MARCO: variants seen among roughly 807,000 people sequenced by gnomAD.
The protein encoded by MARCO is macrophage receptor MARCO.
Under a neutral mutation model 70.0 loss-of-function variants are expected in MARCO, and 72 were observed. The ratio of observed to expected loss-of-function variants is 1.03; its 90% CI spans 0.85 to 1.25. The LOEUF is 1.25. Ranked by LOEUF, MARCO falls within the 50% of genes most tolerant of loss-of-function variation. MARCO has a pLI of 0.00. For synonymous variants in MARCO, 273 were observed against 243.1 expected, an observed-to-expected ratio of 1.12 and a Z score of -1.14; for missense variants, 696 against 659.3, an observed-to-expected ratio of 1.06 and a Z score of -0.61.
At chr2:118,953,511 A>AATTT (rs1299202095) in intron 1 of MARCO, among the ~76,000 whole-genome samples, 1 of 152,064 alleles carries the variant, frequency 6.6e-6, no homozygotes, top group Non-Finnish European at 1.5e-5. Flanking sequence ...CAACTATGTG[A>AATTT]ATTTATTTAT....
At chr2:118,948,552 G>A (rs1383749208) in intron 1 of MARCO, among the ~76,000 whole-genome samples, 1 of 152,220 alleles carries the variant, frequency 6.6e-6, no homozygotes, top group Admixed American at 6.5e-5. Context: ...CTTGAAGAAA[G>A]TTATTCCTCA....
In MARCO at chr2:118,994,529, C is replaced by A; in HGVS notation, c.*9C>A. On this transcript the variant is annotated 3_prime_UTR_variant, in exon 17 of 17. Transcript: ENST00000327097. ...TGGAGTGCAGCGTCTGACCCGGAAA[C>A]CCTTTCACTTCTCTGCTCCCGAGGT... 1 of 1,570,218 alleles carries A rather than the reference C, an allele frequency of 6.4e-7. No individual in the cohort carries two copies. The highest frequency in any genetic ancestry group is 8.6e-7 in the Non-Finnish European group (1 of 1,158,666).
chr2:118,970,744 C>T (rs1307274143), intron 3 of MARCO, among the ~76,000 whole-genome samples: 1 of 151,806 alleles, frequency 6.6e-6, no homozygotes, highest in African/African-American at 2.4e-5. Flanking sequence ...AGGGTTAAAA[C>T]CCCAAGGGTG....
At chr2:118,968,985 C>T (rs184267254) in intron 1 of MARCO, among the ~76,000 whole-genome samples, 175 bp from the exon 2 acceptor site, 61 of 152,326 alleles carry the variant, frequency 4.0e-4, no homozygotes, top group African/African-American at 1.4e-3. Flanking sequence ...GCAATTTTTG[C>T]TTTGTGGCAA....
Position 118,966,325 on chromosome 2 carries a change from TAGCAGCTGTTTTTATCCTCTCATGTCA to T in MARCO, c.98-2827_98-2801del, listed in dbSNP as rs1445100341. Among the ~76,000 whole-genome samples the T allele has an allele frequency of 2.0e-5, 3 of 152,348 alleles. No homozygotes were observed. In the East Asian group the frequency reaches 5.8e-4, roughly 29 times the overall value. On this transcript the variant is annotated intron_variant, in intron 1 of 16. Transcript: ENST00000327097. Reference sequence around the variant, plus strand: ...TCCAGGGAAGCCCATTTTTATTTACTAGCAGCTGTTTTTATCCTCTCATGTCAAGCAGCTCTTCCTCTTTGGTCAAAC... The same window carrying T: ...TCCAGGGAAGCCCATTTTTATTTACTAGCAGCTCTTCCTCTTTGGTCAAAC...
At chr2:118,965,100 G>A (rs571636168) in intron 1 of MARCO, among the ~76,000 whole-genome samples, 2 of 152,194 alleles carry the variant, frequency 1.3e-5, no homozygotes, top group Admixed American at 6.5e-5. Flanking sequence ...GATCTTCCAC[G>A]AAATTAGGGA....
chr2:118,943,445 G>C (rs1453241600), intron 1 of MARCO, among the ~76,000 whole-genome samples: 1 of 152,234 alleles, frequency 6.6e-6, no homozygotes, highest in African/African-American at 2.4e-5. Context: ...ATTTCCAGCA[G>C]GGCACTGCAC....
At chr2:118,968,572 C>A (rs1193990487) in intron 1 of MARCO, among the ~76,000 whole-genome samples, 1 of 152,018 alleles carries the variant, frequency 6.6e-6, no homozygotes. Flanking sequence ...CGGGTTAGGA[C>A]CTTAGGGGGT....
chr2:118,982,012 TA>T, intron 10 of MARCO, 143 bp from the exon 11 acceptor site: 1 of 610,710 alleles, frequency 1.6e-6, no homozygotes, highest in East Asian at 2.8e-5. Flanking sequence ...TCATGGCTTC[TA>T]AAGAGAGGTG....
intron 10 of MARCO, 143 bp downstream of exon 10, chr2:118,981,799 C>A: frequency 1.1e-6 from 1 of 873,226 alleles, no homozygotes; most frequent in Non-Finnish European, 1.8e-6. Flanking sequence ...TGGCCCTGGC[C>A]AAGAGGAACA....
intron 12 of MARCO, among the ~76,000 whole-genome samples, chr2:118,988,931 TA>T (rs1462966377): frequency 6.6e-6 from 1 of 152,182 alleles, no homozygotes; most frequent in Non-Finnish European, 1.5e-5. Flanking sequence ...CAGCGCTTGA[TA>T]CACACGATTT....
intron 1 of MARCO, among the ~76,000 whole-genome samples, chr2:118,955,421 A>C (rs1462698459): frequency 6.6e-6 from 1 of 152,158 alleles, no homozygotes; most frequent in Non-Finnish European, 1.5e-5. Context: ...AGAGTAAAAA[A>C]ATATGAACAA....
At chr2:118,985,988 AG>A (rs1439513969) in intron 12 of MARCO, among the ~76,000 whole-genome samples, 4 of 152,212 alleles carry the variant, frequency 2.6e-5, no homozygotes, top group African/African-American at 9.7e-5. Flanking sequence ...TAAGCCAAAA[AG>A]ATCATCCATA....
intron 1 of MARCO, among the ~76,000 whole-genome samples, chr2:118,962,730 T>C (rs1389989879): frequency 6.6e-6 from 1 of 152,114 alleles, no homozygotes; most frequent in Non-Finnish European, 1.5e-5. Context: ...GGTAAAACTA[T>C]CTGGGCCTGA....
intron 6 of MARCO, among the ~76,000 whole-genome samples, chr2:118,975,522 A>C (rs1400295638): frequency 1.3e-5 from 2 of 152,186 alleles, no homozygotes; most frequent in Non-Finnish European, 2.9e-5. Context: ...CAAAGAGCCT[A>C]TTGATCTGTG....
chr2:118,949,369 C>T (rs1017440557), intron 1 of MARCO: 2 of 152,166 alleles, frequency 1.3e-5, no homozygotes, highest in African/African-American at 4.8e-5. Flanking sequence ...TACCCTGTTT[C>T]AATGGCTATG....
At chr2:118,972,522 G>C (rs550131157) in intron 4 of MARCO, among the ~76,000 whole-genome samples, 2 of 152,204 alleles carry the variant, frequency 1.3e-5, no homozygotes, top group East Asian at 3.9e-4. Context: ...TAACATTTCT[G>C]AGCTCTATGT....
At chr2:118,966,064 G>A (rs892452880) in intron 1 of MARCO, among the ~76,000 whole-genome samples, 1 of 151,216 alleles carries the variant, frequency 6.6e-6, no homozygotes, top group Non-Finnish European at 1.5e-5. Flanking sequence ...CCAGGAGGTG[G>A]CAGACCTGGA....
chr2:118,973,801 CCTCTCTGTTT>C (rs1280903480), intron 4 of MARCO, among the ~76,000 whole-genome samples: 1 of 152,174 alleles, frequency 6.6e-6, no homozygotes, highest in Admixed American at 6.5e-5. Flanking sequence ...AACCCACTTG[CCTCTCTGTTT>C]CTCTCCCCTA....
Sources: allele counts gnomAD v4.1 joint callset (sites outside exome capture counted in the v4.1 genomes callset), GRCh38; gene constraint gnomAD v4.1.1; transcripts MANE v1.5; gene names NCBI Gene and HGNC (gene_info 2026-07-23, HGNC 2026-07-21).